Variants in ADAMTSL1 observed in about 807,000 individuals in gnomAD.
The protein encoded by ADAMTSL1 is ADAMTS-like protein 1.
ADAMTSL1 carries 126 observed loss-of-function variants against 201.8 expected under a neutral mutation model. The ratio of observed to expected loss-of-function variants is 0.62; its 90% CI spans 0.54 to 0.72. The LOEUF (loss-of-function observed/expected upper bound fraction) is 0.72. ADAMTSL1 is among the 30% of genes least tolerant of loss of function. The probability of loss-of-function intolerance (pLI) is 0.00; values close to 1 mark genes in which losing one functional copy is unlikely to be tolerated. For missense variants in ADAMTSL1, 2,679 were observed against 2,277.8 expected, an observed-to-expected ratio of 1.18 and a Z score of -3.59; for synonymous variants, 1,121 against 903.4, an observed-to-expected ratio of 1.24 and a Z score of -4.32.
intron 2 of ADAMTSL1, among the ~76,000 whole-genome samples, chr9:18,281,558 G>T (rs1302970902): frequency 6.6e-6 from 1 of 152,192 alleles, no homozygotes; most frequent in African/African-American, 2.4e-5. Flanking sequence ...CTGGGCTCAA[G>T]AAACACAAAA....
chr9:18,808,182 C>G (rs1285233203), intron 20 of ADAMTSL1, among the ~76,000 whole-genome samples: 1 of 152,124 alleles, frequency 6.6e-6, no homozygotes, highest in Admixed American at 6.5e-5. Flanking sequence ...AAACCTGCCT[C>G]CATAACAGAA....
chr9:18,511,263 A>G (rs536502338), intron 2 of ADAMTSL1, among the ~76,000 whole-genome samples: 5 of 152,024 alleles, frequency 3.3e-5, no homozygotes, highest in African/African-American at 9.6e-5. Flanking sequence ...AATTAATACT[A>G]CATTAATATT....
chr9:18,803,181 C>G (rs137865312), intron 20 of ADAMTSL1, among the ~76,000 whole-genome samples: 122 of 152,324 alleles, frequency 8.0e-4, no homozygotes, highest in African/African-American at 2.8e-3. Context: ...TATCCCTTTC[C>G]GAAGGCTCTA....
chr9:18,517,256 C>A (rs954962841), intron 2 of ADAMTSL1, among the ~76,000 whole-genome samples: 1 of 152,028 alleles, frequency 6.6e-6, no homozygotes, highest in Non-Finnish European at 1.5e-5. Flanking sequence ...CCGGCCCCCA[C>A]CCCTAGCCAT....
intron 2 of ADAMTSL1, among the ~76,000 whole-genome samples, chr9:18,517,082 T>A (rs932671760): frequency 6.6e-6 from 1 of 152,192 alleles, no homozygotes; most frequent in Non-Finnish European, 1.5e-5. Flanking sequence ...ATGGAAAAGT[T>A]GGACTTGATG....
At chr9:18,244,144 G>A (rs540264012) in intron 2 of ADAMTSL1, among the ~76,000 whole-genome samples, 2 of 151,568 alleles carry the variant, frequency 1.3e-5, no homozygotes, top group East Asian at 1.9e-4. Flanking sequence ...ATTCATAGCT[G>A]CCTACAACAC....
rs1173052827 is a variant in ADAMTSL1 at position 18,909,644 on chromosome 9, C to G, written c.*1096C>G. ...TATCAACATCAACCCATTAACTAGT[C>G]ACTGTGCCAGAGAGTATCTGTCAGG... On this transcript the variant is annotated 3_prime_UTR_variant, in exon 29 of 29. Transcript: ENST00000380548. The G allele has an allele frequency of 7.1e-6, 1 of 140,632 alleles. No individual in the cohort carries two copies. The highest frequency in any genetic ancestry group is 1.6e-5 in the Non-Finnish European group (1 of 64,374). The allele number at this position is 140,632 out of a possible 1,614,324, so 8.7% of individuals were successfully genotyped here.
chr9:18,348,409 T>C (rs1286264148), intron 2 of ADAMTSL1, among the ~76,000 whole-genome samples: 1 of 152,198 alleles, frequency 6.6e-6, no homozygotes, highest in Non-Finnish European at 1.5e-5. Context: ...AGGATGAATT[T>C]TGGATTTTGG....
chr9:18,068,977 T>C (rs947902597), intron 1 of ADAMTSL1, among the ~76,000 whole-genome samples: 9 of 152,064 alleles, frequency 5.9e-5, no homozygotes, highest in African/African-American at 1.7e-4. Context: ...TAAAGATAAA[T>C]AGGAGTTTAC....
intron 16 of ADAMTSL1, among the ~76,000 whole-genome samples, chr9:18,756,107 A>G (rs1370825263): frequency 3.7e-5 from 3 of 80,278 alleles, no homozygotes; most frequent in African/African-American, 1.4e-4. Context: ...ATATATATAT[A>G]TATATATATA....
rs971875538 is a variant in ADAMTSL1 at position 18,511,112 on chromosome 9, C to A, written c.191+6156C>A. On this transcript the variant is annotated intron_variant, in intron 2 of 28. Coordinates refer to ENST00000380548, the MANE Select transcript of ADAMTSL1 (RefSeq NM_001040272.6). The stretch of plus-strand genomic sequence containing the variant: ...AGGCTCAAAGGAGGAAACTACCCCT[C>A]ATTTGAGATGGCAACGAGTTAGATA... Among the ~76,000 whole-genome samples, 28 of 152,078 alleles carry A rather than the reference C, an allele frequency of 1.8e-4. 1 individual carries two copies. The highest frequency in any genetic ancestry group is 7.4e-5 in the Non-Finnish European group (5 of 68,012).
chr9:18,017,848 CT>C (rs1227539879), intron 1 of ADAMTSL1, among the ~76,000 whole-genome samples: 1 of 152,038 alleles, frequency 6.6e-6, no homozygotes, highest in Non-Finnish European at 1.5e-5. Flanking sequence ...AACAGGCTGT[CT>C]TTTCCTGGCA....
chr9:18,015,555 GTA>G (rs1352970074), intron 1 of ADAMTSL1, among the ~76,000 whole-genome samples: 1 of 151,792 alleles, frequency 6.6e-6, no homozygotes, highest in Non-Finnish European at 1.5e-5. Flanking sequence ...CACTTGACAC[GTA>G]TTATTGTTTT....
intron 1 of ADAMTSL1, among the ~76,000 whole-genome samples, chr9:17,984,565 G>A (rs1413450671): frequency 1.3e-4 from 20 of 152,048 alleles, no homozygotes; most frequent in Admixed American, 1.2e-3. Context: ...ATATTATGGT[G>A]AGGAACATAC....
intron 2 of ADAMTSL1, among the ~76,000 whole-genome samples, chr9:18,417,452 A>G (rs1818737863): frequency 6.6e-6 from 1 of 151,792 alleles, no homozygotes; most frequent in African/African-American, 2.4e-5. Flanking sequence ...ATCAATAAAA[A>G]TAAAAGCAGT....
intron 1 of ADAMTSL1, among the ~76,000 whole-genome samples, chr9:18,027,424 T>C (rs1297193950): frequency 6.8e-6 from 1 of 147,104 alleles, no homozygotes; most frequent in Non-Finnish European, 1.5e-5. Context: ...CTGTTATTTA[T>C]TTCAAAGATT....
At chr9:18,513,938 C>A (rs945726796) in intron 2 of ADAMTSL1, among the ~76,000 whole-genome samples, 2 of 152,302 alleles carry the variant, frequency 1.3e-5, no homozygotes, top group South Asian at 4.1e-4. Context: ...ATGCCTTCAG[C>A]TTTGTTCTCT....
At chr9:18,862,892 GT>G (rs1827297984) in intron 23 of ADAMTSL1, among the ~76,000 whole-genome samples, 1 of 152,118 alleles carries the variant, frequency 6.6e-6, no homozygotes, top group Non-Finnish European at 1.5e-5. Context: ...ATGCTGATGT[GT>G]TTTTAAAAGG....
At position 18,777,158 on chromosome 9, in the gene ADAMTSL1, G is replaced by A. The variant is rs973349308; in HGVS notation, c.2929G>A (p.Glu977Lys). 1.2e-6 allele frequency: 2 copies of A among 1,612,846 alleles called. No individual in the cohort carries two copies. The highest frequency in any genetic ancestry group is 1.3e-5 in the African/African-American group (1 of 74,950). Residue 977 changes from glutamate (E) to lysine (K), a missense_variant, in exon 19 of 29, where the codon GAG becomes AAG. Physicochemically the swap from Glu to Lys is moderately conservative, Grantham distance 56. Transcript: ENST00000380548. ...GGCCCGGCCCTTGAGCCCGAGAAGTGAGGAAGAGGTGCTTGCGGGGAGGAA... is the reference window on the plus strand; with the variant it reads ...GGCCCGGCCCTTGAGCCCGAGAAGTAAGGAAGAGGTGCTTGCGGGGAGGAA... ...LVARPLSPRS[E>K]EEVLAGRKGG...
Sources: gnomAD v4.1 joint callset for allele counts (sites outside exome capture counted in the v4.1 genomes callset) on GRCh38, gnomAD v4.1.1 for gene constraint, MANE v1.5 for transcripts, NCBI Gene and HGNC (gene_info 2026-07-23, HGNC 2026-07-21) for gene names.